Variants in ZC3H3 observed in about 807,000 individuals in gnomAD.
ZC3H3 encodes the protein zinc finger CCCH-type containing 3.
A neutral mutation model predicts 77.3 loss-of-function variants in ZC3H3; 36 were observed. The observed-to-expected ratio is 0.47, with a 90% CI of 0.36 to 0.61. ZC3H3 has a LOEUF of 0.61. Among genes scored for constraint, ZC3H3 ranks in the 20% least tolerant of loss-of-function variants. The probability of loss-of-function intolerance (pLI) is 0.00; values close to 1 mark genes in which losing one functional copy is unlikely to be tolerated. For missense variants in ZC3H3, 1,331 were observed against 1,312.2 expected (o/e 1.01, Z -0.22); for synonymous variants, 626 against 555.2 (o/e 1.13, Z -1.79).
At chr8:143,491,166 G>A (rs78875814) in intron 4 of ZC3H3, among the ~76,000 whole-genome samples, 25 of 152,306 alleles carry the variant, frequency 1.6e-4, no homozygotes, top group African/African-American at 5.8e-4. Flanking sequence ...CCCAGGCACA[G>A]GGGGCTCCGC....
At chr8:143,477,906 T>TCCTC (rs1006063191) in intron 4 of ZC3H3, among the ~76,000 whole-genome samples, 1 of 152,060 alleles carries the variant, frequency 6.6e-6, no homozygotes, top group Non-Finnish European at 1.5e-5. Context: ...CTAACTGTGG[T>TCCTC]CCTCGCCCCG....
In ZC3H3 at chr8:143,441,005, G is replaced by T; in HGVS notation, c.2423C>A (p.Ala808Asp). Residue 808 changes from alanine to aspartate, a missense_variant, in exon 10 of 12, where the codon GCC (alanine) becomes GAC (aspartate). Transcript: ENST00000262577. ...GCTGGGCCCTGGGGCGGGGGACGTG[G>T]CTGCCCGCCGACTGTGGCGTTTCTG... ...RTQKRHSRRA[A>D]TSPAPGPSDA... 6.8e-7 allele frequency: 1 copy of T among 1,471,728 alleles called. No individual in the cohort carries two copies. The highest frequency in any genetic ancestry group is 8.9e-7 in the Non-Finnish European group (1 of 1,118,904). 91.2% of individuals were successfully genotyped at this position (1,471,728 alleles called of 1,614,324 possible). A position where few individuals can be genotyped will look rare whatever the true frequency, so the allele number is the denominator to read the frequency against.
chr8:143,489,247 C>A (rs1301057516), intron 4 of ZC3H3, among the ~76,000 whole-genome samples: 1 of 152,184 alleles, frequency 6.6e-6, no homozygotes, highest in East Asian at 1.9e-4. Context: ...TGAATCCTAT[C>A]CTTGCTCTGC....
chr8:143,507,912 C>T lies in ZC3H3; in HGVS notation c.1562-13G>A, dbSNP rs754674128. 31 of 1,572,622 alleles carry T rather than the reference C, an allele frequency of 2.0e-5. No individual in the cohort carries two copies. The highest frequency in any genetic ancestry group is 2.7e-5 in the African/African-American group (2 of 73,652). ...TGCAGGCTGGACGCTGTAGAGAAAA[C>T]CCAGGGCACAGACATGGGTCAGGGA... On this transcript the variant is annotated splice_polypyrimidine_tract_variant and intron_variant, in intron 3 of 11. Transcript: ENST00000262577.
chr8:143,536,342 C>T lies in ZC3H3; in HGVS notation c.1476G>A (p.Lys492=), dbSNP rs1353732337. 1 of 1,609,908 alleles carries T rather than the reference C, an allele frequency of 6.2e-7. No individual in the cohort carries two copies. The highest frequency in any genetic ancestry group is 8.5e-7 in the Non-Finnish European group (1 of 1,178,696). The stretch of plus-strand genomic sequence containing the variant: ...CCTGTACCAGGCCCTTGTTGGGGGT[C>T]TTCTTCAGGACAGGGCTGCTCTTCC... ...LRGKSSPVLK[K]TPNKGLVQVT... The change falls in exon 3 of 12, where the codon AAG becomes AAA. Residue 492 remains lysine (K), a synonymous_variant. Transcript: ENST00000262577.
At chr8:143,516,488 C>T (rs192605444) in intron 3 of ZC3H3, among the ~76,000 whole-genome samples, 1 of 151,200 alleles carries the variant, frequency 6.6e-6, no homozygotes, top group East Asian at 2.0e-4. Context: ...GAAAAACTTG[C>T]CTCAAAGCCT....
At chr8:143,453,484 A>T (rs1820039258) in intron 9 of ZC3H3, among the ~76,000 whole-genome samples, 1 of 152,228 alleles carries the variant, frequency 6.6e-6, no homozygotes, top group Non-Finnish European at 1.5e-5. Flanking sequence ...AACATTCTTC[A>T]AGCTCAAAAG....
intron 3 of ZC3H3, among the ~76,000 whole-genome samples, chr8:143,523,804 GCA>G: frequency 6.6e-6 from 1 of 152,224 alleles, no homozygotes; most frequent in East Asian, 1.9e-4. Context: ...TAGAGCCAGA[GCA>G]CACTGAGACG....
chr8:143,535,507 G>A (rs973456414), intron 3 of ZC3H3, among the ~76,000 whole-genome samples: 6 of 152,176 alleles, frequency 3.9e-5, no homozygotes, highest in African/African-American at 9.7e-5. Context: ...GCACACAGAC[G>A]AACGTGGCTC....
intron 1 of ZC3H3, 92 bp downstream of exon 1, chr8:143,541,283 CG>C: frequency 6.3e-7 from 1 of 1,582,158 alleles, no homozygotes; most frequent in East Asian, 2.3e-5. Context: ...AACACGCGGG[CG>C]GTGAGCGACC....
intron 2 of ZC3H3, 75 bp from the exon 3 acceptor site, chr8:143,536,528 C>T (rs1393844648): frequency 1.0e-5 from 14 of 1,401,940 alleles, no homozygotes; most frequent in South Asian, 5.9e-5. Flanking sequence ...CACCAGGACC[C>T]GAGGAGCGTG....
intron 1 of ZC3H3, among the ~76,000 whole-genome samples, chr8:143,540,897 A>C (rs1007943159): frequency 3.3e-5 from 5 of 152,148 alleles, no homozygotes; most frequent in African/African-American, 1.2e-4. Flanking sequence ...AGGAGATTGC[A>C]GTGAGCCGTG....
At chr8:143,502,423 T>C (rs1821554082) in intron 4 of ZC3H3, among the ~76,000 whole-genome samples, 1 of 152,220 alleles carries the variant, frequency 6.6e-6, no homozygotes, top group South Asian at 2.1e-4. Flanking sequence ...AGACGCCACT[T>C]TGGAGAAGCG....
In ZC3H3 at chr8:143,468,611, C is replaced by T; in HGVS notation, c.1946+6G>A. On this transcript the variant is annotated splice_donor_region_variant and intron_variant, in intron 6 of 11. Transcript: ENST00000262577. ...GCCCACCCACTGCCCAGCCCAAAGG[C>T]ATTACCTGGCCAGGGAACGGCTACA... is the stretch of plus-strand genomic sequence containing the variant. The T allele has an allele frequency of 6.4e-7, 1 of 1,565,302 alleles. No homozygotes were observed. Among genetic ancestry groups the T allele is most frequent in the Non-Finnish European group, 8.7e-7 (1 of 1,155,674 alleles).
intron 9 of ZC3H3, among the ~76,000 whole-genome samples, chr8:143,459,052 A>G (rs1196972993): frequency 1.3e-5 from 2 of 152,230 alleles, no homozygotes; most frequent in South Asian, 2.1e-4. Flanking sequence ...AAAACATTTA[A>G]AAGAAGAATC....
chr8:143,527,287 T>A lies in ZC3H3; in HGVS notation c.1561+8970A>T, dbSNP rs1340366147. ...CGTGACTGGGGGGATGTGCCAGCCC[T>A]GGGCTGGGAAGAGAGGGACAAGAGG... On this transcript the variant is annotated intron_variant, in intron 3 of 11. Coordinates refer to ENST00000262577, the MANE Select transcript of ZC3H3 (RefSeq NM_015117.3). Among the ~76,000 whole-genome samples the A allele has an allele frequency of 5.9e-5, 9 of 152,272 alleles. No homozygotes were observed. In the East Asian group the frequency reaches 1.7e-3, roughly 29 times the overall value.
In ZC3H3 at chr8:143,538,217, G is replaced by T. The variant is rs755520114; in HGVS notation, c.1150C>A (p.Pro384Thr). ...AAGGAGGAAGAGGAGGAGGCAGAGG[G>T]GCTGGAGGCCTTCCACTTGTACTTG... is the stretch of plus-strand genomic sequence containing the variant. ...PSKYKWKASS[P>T]SASSSSSFRW... Residue 384 changes from proline (P) to threonine (T), a missense_variant, in exon 2 of 12, where the codon CCC becomes ACC. Physicochemically the swap from Pro to Thr is conservative, Grantham distance 38. Transcript: ENST00000262577. 1.2e-6 allele frequency: 2 copies of T among 1,613,028 alleles called. No individual in the cohort carries two copies. The highest frequency in any genetic ancestry group is 1.3e-5 in the African/African-American group (1 of 75,076).
intron 9 of ZC3H3, among the ~76,000 whole-genome samples, chr8:143,446,153 G>A (rs972273300): frequency 5.9e-5 from 9 of 152,080 alleles, no homozygotes; most frequent in African/African-American, 1.9e-4. Flanking sequence ...GGACCTCACC[G>A]CACACACCAC....
chr8:143,481,309 G>C (rs1215433144), intron 4 of ZC3H3, among the ~76,000 whole-genome samples: 1 of 152,198 alleles, frequency 6.6e-6, no homozygotes, highest in African/African-American at 2.4e-5. Context: ...ATGGGAACCA[G>C]GGGCTCCTTC....
Sources: gnomAD v4.1 joint callset for allele counts (sites outside exome capture counted in the v4.1 genomes callset) on GRCh38, gnomAD v4.1.1 for gene constraint, MANE v1.5 for transcripts, NCBI Gene and HGNC (gene_info 2026-07-23, HGNC 2026-07-21) for gene names.